The following XYLT1 variants were observed in gnomAD, a reference collection of about 807,000 sequenced individuals.
The protein encoded by XYLT1 is beta-D-xylosyltransferase 1.
A neutral mutation model predicts 91.3 loss-of-function variants in XYLT1; 36 were observed. The ratio of observed to expected loss-of-function variants is 0.39; its 90% CI spans 0.30 to 0.52. The LOEUF (loss-of-function observed/expected upper bound fraction) is 0.52. Among genes scored for constraint, XYLT1 ranks in the 20% least tolerant of loss-of-function variants. The pLI is 0.68. For missense variants in XYLT1, 1,242 were observed against 1,284.5 expected, an observed-to-expected ratio of 0.97 and a Z score of 0.51; for synonymous variants, 588 against 532.0, an observed-to-expected ratio of 1.11 and a Z score of -1.45.
At position 17,259,079 on chromosome 16, in the gene XYLT1, C is replaced by T. The variant is rs146915496; in HGVS notation, c.822G>A (p.Lys274=). The change falls in exon 3 of 12, where the codon AAG becomes AAA. Residue 274 remains lysine, a synonymous_variant. Coordinates refer to ENST00000261381, the MANE Select transcript of XYLT1 (RefSeq NM_022166.4). ...TCTCCCCAATCTCCTGGCGGCAGTG[C>T]TTGGACTTAGCACGGGACAGGGCAG... The part of the protein sequence containing the change: ...AISALSRAKS[K]HCRQEIGETY... The T allele has an allele frequency of 2.6e-5, 40 of 1,536,364 alleles. No individual in the cohort carries two copies. In the African/African-American group the frequency reaches 5.0e-4, roughly 19 times the overall value.
chr16:17,278,439 C>T lies in XYLT1; in HGVS notation c.403-18941G>A, dbSNP rs552028763. On this transcript the variant is annotated intron_variant, in intron 2 of 11. Transcript: ENST00000261381. ...CAGGTGGGTGGGTCACTACCTCTTC[C>T]TTTAAGGGGTATTCCCATTAAGGCT... Among the ~76,000 whole-genome samples, 66 of 152,308 alleles carry T rather than the reference C, an allele frequency of 4.3e-4. 1 individual carries two copies. In the South Asian group the frequency reaches 0.013, roughly 31 times the overall value.
chr16:17,307,857 GGC>G (rs1567367029), intron 2 of XYLT1, among the ~76,000 whole-genome samples: 20 of 152,312 alleles, frequency 1.3e-4, no homozygotes, highest in African/African-American at 4.6e-4. Context: ...CTAAGGAGAG[GGC>G]AGTGAAGGGT....
At chr16:17,324,254 A>C (rs2034767381) in intron 2 of XYLT1, among the ~76,000 whole-genome samples, 1 of 152,228 alleles carries the variant, frequency 6.6e-6, no homozygotes, top group Non-Finnish European at 1.5e-5. Context: ...GTAACGCTAG[A>C]GACAGGCTCA....
chr16:17,239,488 C>T (rs951562431), intron 3 of XYLT1, among the ~76,000 whole-genome samples: 1 of 147,272 alleles, frequency 6.8e-6, no homozygotes, highest in Non-Finnish European at 1.5e-5. Context: ...TCCATCCACC[C>T]ACCCAGTCCA....
At position 17,138,200 on chromosome 16, in the gene XYLT1, T is replaced by C. The variant is rs901082367; in HGVS notation, c.1764+155A>G. 14 of 811,802 alleles carry C rather than the reference T, an allele frequency of 1.7e-5. No homozygotes were observed. The South Asian group carries it at 2.2e-4, about 13-fold the overall frequency. The allele number at this position is 811,802 out of a possible 1,614,324, so 50.3% of individuals were successfully genotyped here. A position where few individuals can be genotyped will look rare whatever the true frequency, so the allele number is the denominator to read the frequency against. On this transcript the variant is annotated intron_variant, in intron 8 of 11. Coordinates refer to ENST00000261381, the MANE Select transcript of XYLT1 (RefSeq NM_022166.4). ...CCTGAAGTAAGTGCTCAATAAACAC[T>C]GGCTATTGTTGATACTGTTAACTAT... is the stretch of plus-strand genomic sequence containing the variant.
chr16:17,239,030 C>G (rs905752497), intron 3 of XYLT1, among the ~76,000 whole-genome samples: 7 of 152,232 alleles, frequency 4.6e-5, no homozygotes, highest in African/African-American at 1.7e-4. Flanking sequence ...TCCTCCCCAG[C>G]CTCATCTCTA....
Position 17,234,151 on chromosome 16 carries a change from G to T in XYLT1, c.913+24837C>A, listed in dbSNP as rs557154358. On this transcript the variant is annotated intron_variant, in intron 3 of 11. Coordinates refer to ENST00000261381, the MANE Select transcript of XYLT1 (RefSeq NM_022166.4). ...CGGGTACTGCTGCCACGCCCATTTT[G>T]CAGAGGAAAAACCTTAGACTGGAGG... Among the ~76,000 whole-genome samples, 10 of 152,188 alleles carry T rather than the reference G, an allele frequency of 6.6e-5. No homozygotes were observed. The East Asian group carries it at 1.9e-3, about 29-fold the overall frequency.
At chr16:17,127,606 T>G in intron 10 of XYLT1, 60 bp downstream of exon 10, 2 of 1,547,362 alleles carry the variant, frequency 1.3e-6, no homozygotes, top group South Asian at 2.5e-5. Context: ...GATAGTGGAG[T>G]AGAATCTGGC....
chr16:17,194,897 C>T (rs73520982), intron 5 of XYLT1, among the ~76,000 whole-genome samples: 2,744 of 152,328 alleles, frequency 0.018, 95 homozygotes, highest in African/African-American at 0.063. Context: ...TTTCCAAACT[C>T]GGTCCCTTCA....
intron 1 of XYLT1, among the ~76,000 whole-genome samples, chr16:17,433,273 A>C (rs2036413340): frequency 6.6e-6 from 1 of 152,170 alleles, no homozygotes; most frequent in Admixed American, 6.5e-5. Context: ...TCACACTCTG[A>C]TGGCAGAAAA....
At chr16:17,288,445 T>G (rs948310137) in intron 2 of XYLT1, among the ~76,000 whole-genome samples, 1 of 152,280 alleles carries the variant, frequency 6.6e-6, no homozygotes, top group South Asian at 2.1e-4. Context: ...GTGTGATTCT[T>G]TTGTTCTTCT....
At chr16:17,418,763 G>A (rs373033794) in intron 1 of XYLT1, among the ~76,000 whole-genome samples, 7 of 151,890 alleles carry the variant, frequency 4.6e-5, no homozygotes, top group Admixed American at 3.3e-4. Context: ...TGGGAGGCTC[G>A]CTTGAGACCT....
At chr16:17,265,899 C>T (rs2141766631) in intron 2 of XYLT1, among the ~76,000 whole-genome samples, 1 of 152,198 alleles carries the variant, frequency 6.6e-6, no homozygotes. Flanking sequence ...TAGGAGAAGA[C>T]CTGGGTACTA....
intron 8 of XYLT1, among the ~76,000 whole-genome samples, chr16:17,135,631 A>C (rs1230724696): frequency 6.6e-6 from 1 of 152,068 alleles, no homozygotes; most frequent in Non-Finnish European, 1.5e-5. Context: ...TAGCAACCAA[A>C]CTCTCAAGGC....
chr16:17,351,045 T>G (rs2035212995), intron 2 of XYLT1, among the ~76,000 whole-genome samples: 1 of 152,204 alleles, frequency 6.6e-6, no homozygotes, highest in African/African-American at 2.4e-5. Flanking sequence ...ACTCTGCACA[T>G]TCTTTGCACT....
intron 5 of XYLT1, among the ~76,000 whole-genome samples, chr16:17,197,570 G>A (rs2032454794): frequency 6.6e-6 from 1 of 152,116 alleles, no homozygotes; most frequent in African/African-American, 2.4e-5. Context: ...GACTGGGAAA[G>A]GCAGACCCAC....
In XYLT1 at chr16:17,158,872, G is replaced by A. The variant is rs139065716; in HGVS notation, c.1327C>T (p.Arg443Ter). ...DQLVAFLSRY[R>*]DMNFLKSHGR... ...TGTGACTTCAAGAAATTCATATCTC[G>A]GTATCGGGAGAGAAACGCCACCAAC... Residue 443 changes from arginine (R) to a stop codon, truncating the protein, a stop_gained, in exon 6 of 12, where the codon CGA (arginine) becomes TGA (stop). Coordinates refer to ENST00000261381, the MANE Select transcript of XYLT1 (RefSeq NM_022166.4). LOFTEE classifies it high-confidence loss of function. 2.5e-6 allele frequency: 4 copies of A among 1,613,860 alleles called. No homozygotes were observed. Among genetic ancestry groups the A allele is most frequent in the Non-Finnish European group, 3.4e-6 (4 of 1,180,012 alleles).
intron 2 of XYLT1, among the ~76,000 whole-genome samples, chr16:17,321,138 C>T (rs2034712707): frequency 6.6e-6 from 1 of 151,960 alleles, no homozygotes; most frequent in Admixed American, 6.6e-5. Flanking sequence ...ATACCCACAA[C>T]ATCAGACTCC....
At chr16:17,434,743 C>G (rs903947481) in intron 1 of XYLT1, among the ~76,000 whole-genome samples, 1 of 152,108 alleles carries the variant, frequency 6.6e-6, no homozygotes, top group African/African-American at 2.4e-5. Flanking sequence ...TAGCACACAT[C>G]TGTAGCCCCA....
Sources: allele counts gnomAD v4.1 joint callset (sites outside exome capture counted in the v4.1 genomes callset), GRCh38; gene constraint gnomAD v4.1.1; transcripts MANE v1.5; gene names NCBI Gene and HGNC (gene_info 2026-07-23, HGNC 2026-07-21).